Variants in MFSD11 observed in about 807,000 individuals in gnomAD.
The protein encoded by MFSD11 is major facilitator superfamily domain containing 11.
MFSD11 carries 36 observed loss-of-function variants against 53.5 expected under a neutral mutation model. That is an observed-to-expected ratio of 0.67 (90% CI 0.52 to 0.89). The LOEUF is 0.89. Ranked by LOEUF, MFSD11 falls within the 40% of genes least tolerant of loss-of-function variation. MFSD11 has a pLI of 0.00. For missense variants in MFSD11, 530 were observed against 543.9 expected, an observed-to-expected ratio of 0.97 and a Z score of 0.25; for synonymous variants, 186 against 184.9, an observed-to-expected ratio of 1.01 and a Z score of -0.05.
downstream of MFSD11, among the ~76,000 whole-genome samples, chr17:76,780,325 G>T (rs1287114880): frequency 1.4e-5 from 2 of 147,318 alleles, no homozygotes; most frequent in Admixed American, 1.4e-4. Flanking sequence ...GCTCAGTTTT[G>T]TTTTTTTTTT....
At chr17:76,760,935 G>A (rs1356599607) in intron 8 of MFSD11, among the ~76,000 whole-genome samples, 2 of 152,186 alleles carry the variant, frequency 1.3e-5, no homozygotes, top group Non-Finnish European at 2.9e-5. Flanking sequence ...GCCGGGCGCA[G>A]TGGCTCATGC....
upstream of MFSD11, chr17:76,737,298 G>C (rs535772387): frequency 1.3e-4 from 153 of 1,214,258 alleles, 2 homozygotes; most frequent in Non-Finnish European, 1.6e-4. Context: ...CAGCACGGAC[G>C]GGCTCCGCAG....
At chr17:76,757,457 G>A (rs2079765506) in intron 8 of MFSD11, among the ~76,000 whole-genome samples, 1 of 152,088 alleles carries the variant, frequency 6.6e-6, no homozygotes, top group African/African-American at 2.4e-5. Context: ...GAGAATGAAT[G>A]GCAAGGCTTC....
chr17:76,770,334 G>A (rs1320468371), intron 10 of MFSD11, among the ~76,000 whole-genome samples: 1 of 151,972 alleles, frequency 6.6e-6, no homozygotes, highest in Non-Finnish European at 1.5e-5. Context: ...CACCATGCCC[G>A]GCCTATTATT....
At chr17:76,743,609 T>G (rs547859502) in intron 6 of MFSD11, among the ~76,000 whole-genome samples, 153 bp downstream of exon 6, 7 of 152,238 alleles carry the variant, frequency 4.6e-5, no homozygotes, top group African/African-American at 1.7e-4. Context: ...GACTTTTCCT[T>G]GGTTTATATT....
chr17:76,789,399 G>C, the MFSD11 span, among the ~76,000 whole-genome samples: 12 of 150,064 alleles, frequency 8.0e-5, no homozygotes, highest in African/African-American at 2.9e-4. Context: ...GAAGTTGTGT[G>C]TATGCTCGTT....
chr17:76,784,415 C>T (rs577199018), downstream of MFSD11, among the ~76,000 whole-genome samples: 10 of 152,184 alleles, frequency 6.6e-5, no homozygotes, highest in East Asian at 1.7e-3. Context: ...TGCCTGTAGT[C>T]CCAGCTACTT....
intron 7 of MFSD11, among the ~76,000 whole-genome samples, chr17:76,747,769 G>A (rs148017063): frequency 1.3e-5 from 2 of 152,154 alleles, no homozygotes; most frequent in African/African-American, 2.4e-5. Context: ...GACAAATGCC[G>A]CCCATCCCTG....
intron 7 of MFSD11, among the ~76,000 whole-genome samples, chr17:76,748,958 T>C (rs1396125026): frequency 6.6e-6 from 1 of 152,178 alleles, no homozygotes; most frequent in African/African-American, 2.4e-5. Context: ...GGTTCTCTGA[T>C]ATTCCAAGCA....
In MFSD11 at chr17:76,744,540, G is replaced by A. The variant is rs796781581; in HGVS notation, c.641+74G>A. On this transcript the variant is annotated intron_variant, in intron 7 of 12. Transcript: ENST00000685175. ...GATCTAGTCTAGAGATTACCAACCC[G>A]TTTAGCCCTAACTGATGTCCAGTAC... 7.0e-5 allele frequency: 96 copies of A among 1,369,568 alleles called. No homozygotes were observed. The African/African-American group carries it at 8.7e-4, about 12-fold the overall frequency. 84.8% of individuals were successfully genotyped at this position (1,369,568 alleles called of 1,614,324 possible).
chr17:76,786,951 G>A, the MFSD11 span, among the ~76,000 whole-genome samples: 1 of 151,886 alleles, frequency 6.6e-6, no homozygotes, highest in East Asian at 1.9e-4. Flanking sequence ...GAGTAGCTGG[G>A]ATTTACAGGC....
At chr17:76,778,098 T>C in intron 12 of MFSD11, 90 bp from the exon 13 acceptor site, 3 of 1,326,290 alleles carry the variant, frequency 2.3e-6, no homozygotes, top group Middle Eastern at 1.9e-4. Context: ...CCAGGTGTCC[T>C]TGGGGCAGGA....
At chr17:76,755,718 ATATGTGTATATG>A (rs1488465383) in intron 8 of MFSD11, among the ~76,000 whole-genome samples, 2 of 137,986 alleles carry the variant, frequency 1.4e-5, no homozygotes, top group African/African-American at 5.2e-5. Flanking sequence ...ATGTGTATAT[ATATGTGTATATG>A]TATATATATG....
the MFSD11 span, among the ~76,000 whole-genome samples, chr17:76,792,585 TGCAGATAAGGACCCGCCTAA>T: frequency 6.6e-6 from 1 of 151,368 alleles, no homozygotes; most frequent in East Asian, 1.9e-4. Context: ...AGCAGGTAAG[TGCAGATAAGGACCCGCCTAA>T]ATTTGTCCAT....
In MFSD11 at chr17:76,776,306, A is replaced by G; in HGVS notation, c.1050-100A>G. 7.7e-7 allele frequency: 1 copy of G among 1,301,256 alleles called. No individual in the cohort carries two copies. Among genetic ancestry groups the G allele is most frequent in the East Asian group, 2.4e-5 (1 of 42,218 alleles). 80.6% of individuals were successfully genotyped at this position (1,301,256 alleles called of 1,614,324 possible). On this transcript the variant is annotated intron_variant, in intron 11 of 12. Transcript: ENST00000685175. This position sits in a 1 kb window ranked among gnomAD's most constrained non-coding sequence, Gnocchi z 4.2. ...TCTTTATTTTTGTTTCATAGTGTTT[A>G]CAACTTGCAGGTAGAATTCTTTTGT...
At chr17:76,797,903 A>C in the MFSD11 span, among the ~76,000 whole-genome samples, 2 of 141,302 alleles carry the variant, frequency 1.4e-5, no homozygotes, top group African/African-American at 5.3e-5. Flanking sequence ...TTTTTTTTTG[A>C]AACAGGGTCT....
chr17:76,789,669 A>C, the MFSD11 span, among the ~76,000 whole-genome samples: 1,695 of 149,808 alleles, frequency 0.011, 97 homozygotes, highest in African/African-American at 0.039. Context: ...TTGCCTGACG[A>C]CCTGATAGGG....
intron 7 of MFSD11, among the ~76,000 whole-genome samples, chr17:76,753,317 A>G (rs2079232606): frequency 6.6e-6 from 1 of 152,192 alleles, no homozygotes. Flanking sequence ...ATGCCAAAGA[A>G]CTTATTTTTC....
intron 10 of MFSD11, among the ~76,000 whole-genome samples, chr17:76,774,674 A>C (rs1470880873): frequency 2.0e-5 from 3 of 152,262 alleles, no homozygotes; most frequent in East Asian, 3.8e-4. Context: ...AAACGTGGTC[A>C]TAATGACAAG....
Sources: gnomAD v4.1 joint callset for allele counts (sites outside exome capture counted in the v4.1 genomes callset) on GRCh38, gnomAD v4.1.1 for gene constraint, Gnocchi (gnomAD v3.1) non-coding constraint, MANE v1.5 for transcripts, NCBI Gene and HGNC (gene_info 2026-07-23, HGNC 2026-07-21) for gene names.